Variants in COL8A1 observed in about 807,000 individuals in gnomAD.
The protein encoded by COL8A1 is collagen alpha-1(VIII) chain.
A neutral mutation model predicts 42.7 loss-of-function variants in COL8A1; 21 were observed. The observed-to-expected ratio is 0.49, with a 90% CI of 0.35 to 0.71. The LOEUF (loss-of-function observed/expected upper bound fraction) is 0.71. Among genes scored for constraint, COL8A1 ranks in the 30% least tolerant of loss-of-function variants. The pLI is 0.01. For missense variants in COL8A1, 788 were observed against 962.4 expected (o/e 0.82, Z 2.40); for synonymous variants, 367 against 369.1 (o/e 0.99, Z 0.06).
At chr3:99,784,501 C>G (rs1213501449) in intron 2 of COL8A1, among the ~76,000 whole-genome samples, 1 of 152,204 alleles carries the variant, frequency 6.6e-6, no homozygotes, top group East Asian at 1.9e-4. Context: ...GATGGTACCA[C>G]TTGCTACACA....
At chr3:99,709,886 C>T (rs1939787461) in intron 1 of COL8A1, among the ~76,000 whole-genome samples, 1 of 152,100 alleles carries the variant, frequency 6.6e-6, no homozygotes, top group African/African-American at 2.4e-5. Context: ...GAGATAGTGA[C>T]GCATAAGGAA....
intron 2 of COL8A1, among the ~76,000 whole-genome samples, chr3:99,788,507 TC>T (rs1462984036): frequency 6.6e-6 from 1 of 152,210 alleles, no homozygotes; most frequent in Non-Finnish European, 1.5e-5. Flanking sequence ...AATTCATTCA[TC>T]CCCAAAAGTA....
chr3:99,762,865 G>A (rs1169578559), intron 2 of COL8A1, among the ~76,000 whole-genome samples: 1 of 152,172 alleles, frequency 6.6e-6, no homozygotes, highest in Non-Finnish European at 1.5e-5. Flanking sequence ...GGGAGACATG[G>A]CTGGAGGACA....
At chr3:99,785,153 A>G (rs1388772349) in intron 2 of COL8A1, among the ~76,000 whole-genome samples, 1 of 152,232 alleles carries the variant, frequency 6.6e-6, no homozygotes, top group Non-Finnish European at 1.5e-5. Flanking sequence ...AAAAGCAACA[A>G]AATTGTACAA....
At chr3:99,749,617 G>T (rs1256294292) in intron 2 of COL8A1, among the ~76,000 whole-genome samples, 1 of 151,948 alleles carries the variant, frequency 6.6e-6, no homozygotes, top group African/African-American at 2.4e-5. Flanking sequence ...GTTCTAAAGG[G>T]TTTCTTTATG....
intron 1 of COL8A1, among the ~76,000 whole-genome samples, chr3:99,689,462 A>G (rs1291003501): frequency 2.0e-5 from 3 of 152,166 alleles, no homozygotes; most frequent in Non-Finnish European, 4.4e-5. Context: ...AGGTGATAGC[A>G]TCTCTAAAAA....
chr3:99,789,266 C>T (rs1223303415), intron 2 of COL8A1, among the ~76,000 whole-genome samples: 1 of 152,152 alleles, frequency 6.6e-6, no homozygotes, highest in Middle Eastern at 3.4e-3. Context: ...TTAAGTAAGG[C>T]AAAAGCAAAG....
At chr3:99,780,594 T>C (rs1941776081) in intron 2 of COL8A1, among the ~76,000 whole-genome samples, 1 of 152,176 alleles carries the variant, frequency 6.6e-6, no homozygotes, top group Admixed American at 6.5e-5. Context: ...TCCTAAGAAA[T>C]AACATTTGTG....
In COL8A1 at chr3:99,794,839, C is replaced by T; in HGVS notation, c.938C>T (p.Pro313Leu). The change falls in exon 4 of 4, where the codon CCC (proline) becomes CTC (leucine). Residue 313 changes from proline (P) to leucine (L), a missense_variant. By Grantham distance (98) the Pro-to-Leu change is moderately conservative (BLOSUM62 -3). Around this residue, in one of 4 missense-constraint regions of COL8A1, gnomAD observed 421 missense variants for 553.1 expected, o/e 0.76. Transcript: ENST00000652472. This position sits in a 1 kb window ranked among gnomAD's most constrained non-coding sequence, Gnocchi z 4.3. The stretch of plus-strand genomic sequence containing the variant: ...GGGGTTCAAGGACCTCCTGGGATAC[C>T]CGGAATTGGAAAGCCAGGCCAGGAT... Reference protein sequence around the residue: ...VPGVQGPPGIPGIGKPGQDGI... With the variant: ...VPGVQGPPGILGIGKPGQDGI... The T allele has an allele frequency of 6.2e-7, 1 of 1,612,268 alleles. No individual in the cohort carries two copies. Among genetic ancestry groups the T allele is most frequent in the African/African-American group, 1.3e-5 (1 of 74,928 alleles).
chr3:99,645,991 G>GA (rs938515094), intron 1 of COL8A1, among the ~76,000 whole-genome samples: 6 of 152,126 alleles, frequency 3.9e-5, no homozygotes, highest in African/African-American at 1.2e-4. Flanking sequence ...GGAGCTGGGA[G>GA]AAAAAAAGAC....
At chr3:99,747,240 T>C (rs1002660166) in intron 2 of COL8A1, among the ~76,000 whole-genome samples, 1 of 152,190 alleles carries the variant, frequency 6.6e-6, no homozygotes, top group Non-Finnish European at 1.5e-5. Flanking sequence ...AGACAGATTA[T>C]ATATTTTCCT....
chr3:99,642,264 G>A (rs1201484929), intron 1 of COL8A1, among the ~76,000 whole-genome samples: 1 of 152,182 alleles, frequency 6.6e-6, no homozygotes, highest in African/African-American at 2.4e-5. Flanking sequence ...GTTTGAGGGA[G>A]AAGGTTCTTC....
chr3:99,759,745 G>A (rs76837796), intron 2 of COL8A1, among the ~76,000 whole-genome samples: 56 of 152,288 alleles, frequency 3.7e-4, no homozygotes, highest in East Asian at 3.7e-3. Context: ...TGTTTCAACC[G>A]TAAAAAGAAT....
In COL8A1 at chr3:99,795,121, T is replaced by C. The variant is rs768208846; in HGVS notation, c.1220T>C (p.Ile407Thr). The C allele has an allele frequency of 1.2e-6, 2 of 1,613,402 alleles. No homozygotes were observed. The highest frequency in any genetic ancestry group is 1.1e-5 in the South Asian group (1 of 91,012). The change falls in exon 4 of 4, where the codon ATT becomes ACT. Residue 407 changes from isoleucine (I) to threonine (T), a missense_variant. Physicochemically the swap from Ile to Thr is moderately conservative, Grantham distance 89. Coordinates refer to ENST00000652472, the MANE Select transcript of COL8A1 (RefSeq NM_020351.4). The part of the protein sequence containing the change: ...IPGPMGPPGA[I>T]GFPGPKGEGG... ...GGTCCTATGGGCCCTCCAGGTGCTA[T>C]TGGTTTTCCTGGACCCAAAGGAGAA...
intron 1 of COL8A1, among the ~76,000 whole-genome samples, chr3:99,669,151 G>GAGAGAGA (rs1559773186): frequency 1.2e-4 from 14 of 114,046 alleles, no homozygotes; most frequent in African/African-American, 4.1e-4. Context: ...ATATATAGAG[G>GAGAGAGA]GAGAGAGAGA....
At chr3:99,679,569 AG>A (rs1334387906) in intron 1 of COL8A1, 1 of 152,174 alleles carries the variant, frequency 6.6e-6, no homozygotes, top group Non-Finnish European at 1.5e-5. Context: ...TATCAAATAA[AG>A]AGTCTTGCAA....
chr3:99,725,407 CT>C (rs1178982518), intron 1 of COL8A1, among the ~76,000 whole-genome samples: 5 of 150,982 alleles, frequency 3.3e-5, no homozygotes, highest in East Asian at 3.9e-4. Context: ...ACCTGCTCAT[CT>C]TTTTTTTTAA....
At chr3:99,664,778 A>G (rs1938313311) in intron 1 of COL8A1, among the ~76,000 whole-genome samples, 1 of 152,170 alleles carries the variant, frequency 6.6e-6, no homozygotes, top group Non-Finnish European at 1.5e-5. Context: ...GAAGAATCTT[A>G]ATTGCATAGT....
At position 99,795,816 on chromosome 3, in the gene COL8A1, C is replaced by T. The variant is rs1241738863; in HGVS notation, c.1915C>T (p.Leu639=). The part of the protein sequence containing the change: ...VGAPVKFNKL[L]YNGRQNYNPQ... ...GGCCCCAGTGAAGTTTAACAAACTG[C>T]TGTATAACGGCAGACAGAACTACAA... Residue 639 remains leucine, a synonymous_variant, in exon 4 of 4, where the codon CTG becomes TTG. Transcript: ENST00000652472. The T allele has an allele frequency of 6.2e-7, 1 of 1,614,174 alleles. No homozygotes were observed. Among genetic ancestry groups the T allele is most frequent in the South Asian group, 1.1e-5 (1 of 91,084 alleles).
Sources: gnomAD v4.1 joint callset for allele counts (sites outside exome capture counted in the v4.1 genomes callset) on GRCh38, gnomAD v4.1.1 for gene constraint, gnomAD v4.1.1 regional missense constraint, Gnocchi (gnomAD v3.1) non-coding constraint, MANE v1.5 for transcripts, NCBI Gene and HGNC (gene_info 2026-07-23, HGNC 2026-07-21) for gene names.